Variants in SLC5A4 observed in about 807,000 individuals in gnomAD.
SLC5A4 encodes solute carrier family 5 member 4, also known as probable glucose sensor protein SLC5A4.
A neutral mutation model predicts 70.3 loss-of-function variants in SLC5A4; 55 were observed. The ratio of observed to expected loss-of-function variants is 0.78; its 90% CI spans 0.63 to 0.98. SLC5A4 has a LOEUF of 0.98. SLC5A4 is among the 50% of genes least tolerant of loss of function. The pLI is 0.00. For synonymous variants in SLC5A4, 268 were observed against 305.7 expected (o/e 0.88, Z 1.29); for missense variants, 735 against 839.2 (o/e 0.88, Z 1.53).
the SLC5A4 span, among the ~76,000 whole-genome samples, chr22:32,333,207 A>AG: frequency 4.2e-5 from 4 of 95,412 alleles, no homozygotes; most frequent in African/African-American, 1.2e-4. Context: ...CCCCCCCCCC[A>AG]GAAGACTCAG....
the SLC5A4 span, among the ~76,000 whole-genome samples, chr22:32,352,775 A>G: frequency 6.6e-6 from 1 of 152,142 alleles, no homozygotes; most frequent in Non-Finnish European, 1.5e-5. Flanking sequence ...CCCACCCTAC[A>G]AGGCTCCTAA....
At chr22:32,248,880 AGTCTG>A in intron 3 of SLC5A4, 78 bp from the exon 4 acceptor site, 1 of 961,704 alleles carries the variant, frequency 1.0e-6, no homozygotes. Context: ...ATGACCTCTG[AGTCTG>A]GAAATTAAAA....
the SLC5A4 span, chr22:32,272,452 G>A: frequency 2.6e-4 from 208 of 812,488 alleles, 1 homozygote; most frequent in African/African-American, 3.0e-3. Flanking sequence ...GATGATCAGC[G>A]TCAGGAACTT....
At chr22:32,329,138 T>G in the SLC5A4 span, among the ~76,000 whole-genome samples, 2 of 152,184 alleles carry the variant, frequency 1.3e-5, no homozygotes, top group Non-Finnish European at 2.9e-5. Flanking sequence ...CTTTTCTGCT[T>G]TTTTCTGCTT....
chr22:32,280,459 C>T, the SLC5A4 span, among the ~76,000 whole-genome samples: 4 of 152,248 alleles, frequency 2.6e-5, no homozygotes, highest in Non-Finnish European at 4.4e-5. Context: ...TCACCCAGCT[C>T]TCAACTTAGT....
At chr22:32,280,128 G>A in the SLC5A4 span, among the ~76,000 whole-genome samples, 1 of 152,194 alleles carries the variant, frequency 6.6e-6, no homozygotes, top group African/African-American at 2.4e-5. Flanking sequence ...TAATTCTCGT[G>A]CCTCAGCCTC....
chr22:32,313,352 T>A, the SLC5A4 span, among the ~76,000 whole-genome samples: 1 of 152,218 alleles, frequency 6.6e-6, no homozygotes, highest in Non-Finnish European at 1.5e-5. Flanking sequence ...AAAAGTATTC[T>A]GATTTGGATG....
chr22:32,290,543 T>C, the SLC5A4 span, among the ~76,000 whole-genome samples: 4 of 152,232 alleles, frequency 2.6e-5, no homozygotes. Flanking sequence ...ATGCTTTGGA[T>C]ATGATTTTTT....
At chr22:32,309,377 GTAT>G in the SLC5A4 span, among the ~76,000 whole-genome samples, 64 of 152,112 alleles carry the variant, frequency 4.2e-4, no homozygotes, top group African/African-American at 1.4e-3. Context: ...GTGTTTTTTT[GTAT>G]TATTATTATT....
chr22:32,338,463 GAC>G, the SLC5A4 span, among the ~76,000 whole-genome samples: 6 of 152,088 alleles, frequency 3.9e-5, no homozygotes, highest in African/African-American at 1.4e-4. Context: ...CAGCCTGGCT[GAC>G]ACAGTGAACC....
At chr22:32,302,910 T>C in the SLC5A4 span, among the ~76,000 whole-genome samples, 1 of 152,254 alleles carries the variant, frequency 6.6e-6, no homozygotes, top group African/African-American at 2.4e-5. Context: ...ATCAATCTGA[T>C]TTGGGGAGAA....
the SLC5A4 span, among the ~76,000 whole-genome samples, chr22:32,327,712 C>T: frequency 2.6e-5 from 4 of 151,088 alleles, no homozygotes; most frequent in Non-Finnish European, 5.9e-5. Context: ...CAGACCTGTC[C>T]TCCTGACAGG....
chr22:32,307,179 C>T, the SLC5A4 span, among the ~76,000 whole-genome samples: 4 of 152,212 alleles, frequency 2.6e-5, no homozygotes, highest in East Asian at 7.7e-4. Context: ...GGTTGTGAAC[C>T]CTGCAGCAGC....
the SLC5A4 span, among the ~76,000 whole-genome samples, chr22:32,338,925 T>C: frequency 6.6e-6 from 1 of 152,190 alleles, no homozygotes; most frequent in East Asian, 1.9e-4. Flanking sequence ...TGTCTCCTCC[T>C]CCTGCCCCCA....
chr22:32,312,425 C>A, the SLC5A4 span, among the ~76,000 whole-genome samples: 1 of 152,000 alleles, frequency 6.6e-6, no homozygotes, highest in East Asian at 1.9e-4. Flanking sequence ...CCCAAGGGGC[C>A]GCTATTGGAG....
rs78631990 is a variant in SLC5A4, at chr22:32,220,877, C to T, written c.1768+43G>A. 3,782 of 1,210,544 alleles carry T rather than the reference C, an allele frequency of 3.1e-3. 26 individuals carry two copies. Among genetic ancestry groups the T allele is most frequent in the South Asian group, 0.015 (1,258 of 83,048 alleles). The allele number at this position is 1,210,544 out of a possible 1,614,324, so 75.0% of individuals were successfully genotyped here. A position where few individuals can be genotyped will look rare whatever the true frequency, so the allele number is the denominator to read the frequency against. On this transcript the variant is annotated intron_variant, in intron 14 of 14. Transcript: ENST00000266086. The stretch of plus-strand genomic sequence containing the variant: ...AAAGAAAACCATAAACAAGCCTGTG[C>T]ACAGAGTTCCTACATGAAAACCAAA...
At chr22:32,244,070 G>A (rs2294209) in intron 5 of SLC5A4, among the ~76,000 whole-genome samples, 10,200 of 152,210 alleles carry the variant, frequency 0.067, 581 homozygotes, top group East Asian at 0.31. Flanking sequence ...AATAAAATCT[G>A]ACATTTTATC....
the SLC5A4 span, among the ~76,000 whole-genome samples, chr22:32,338,491 CCT>C: frequency 9.9e-5 from 15 of 152,196 alleles, no homozygotes; most frequent in East Asian, 1.9e-3. Context: ...CACCACCCAC[CCT>C]GTCTCCACTA....
chr22:32,277,714 AT>A, the SLC5A4 span, among the ~76,000 whole-genome samples: 1 of 151,848 alleles, frequency 6.6e-6, no homozygotes, highest in Non-Finnish European at 1.5e-5. Flanking sequence ...TGCCTGGCTA[AT>A]TTTTTGTATT....
Sources: allele counts gnomAD v4.1 joint callset (sites outside exome capture counted in the v4.1 genomes callset), GRCh38; gene constraint gnomAD v4.1.1; transcripts MANE v1.5; gene names NCBI Gene and HGNC (gene_info 2026-07-23, HGNC 2026-07-21).